SIKE1: variants seen among roughly 807,000 people sequenced by gnomAD.
SIKE1 encodes the protein suppressor of IKBKE 1.
A neutral mutation model predicts 25.8 loss-of-function variants in SIKE1; 13 were observed. That is an observed-to-expected ratio of 0.50 (90% CI 0.33 to 0.80). The LOEUF is 0.80. Ranked by LOEUF, SIKE1 falls within the 30% of genes least tolerant of loss-of-function variation. The probability of loss-of-function intolerance (pLI) is 0.02; values close to 1 mark genes in which losing one functional copy is unlikely to be tolerated. For synonymous variants in SIKE1, 86 were observed against 95.5 expected, an observed-to-expected ratio of 0.90 and a Z score of 0.58; for missense variants, 222 against 252.4, an observed-to-expected ratio of 0.88 and a Z score of 0.82.
chr1:114,780,598 T>C lies in SIKE1; in HGVS notation c.10A>G (p.Thr4Ala), dbSNP rs150712455. The C allele has an allele frequency of 3.7e-5, 60 of 1,609,670 alleles. No individual in the cohort carries two copies. Among genetic ancestry groups the C allele is most frequent in the Non-Finnish European group, 4.8e-5 (57 of 1,179,358 alleles). ...GCGTCTGTCAGGATCTTCTCGATGG[T>C]GCAGCTCATAGCAGCAGCACCACCC... The part of the protein sequence containing the change: MSC[T>A]IEKILTDAKT... The change falls in exon 1 of 5, where the codon ACC becomes GCC. Residue 4 changes from threonine to alanine, a missense_variant. Physicochemically the swap from Thr to Ala is moderately conservative, Grantham distance 58 (BLOSUM62 0). Transcript: ENST00000060969.
chr1:114,769,798 A>C lies in SIKE1; in HGVS notation c.*4473T>G, dbSNP rs1049895418. ...TCGGCAAAGATAGGAGAAGAGCTCA[A>C]ATAGATAAAATACAAGCACTCATAA... is the stretch of plus-strand genomic sequence containing the variant. On this transcript the variant is annotated 3_prime_UTR_variant, in exon 5 of 5. Coordinates refer to ENST00000060969, the MANE Select transcript of SIKE1 (RefSeq NM_025073.3). 13 of 152,204 alleles carry C rather than the reference A, an allele frequency of 8.5e-5. No individual in the cohort carries two copies. Among genetic ancestry groups the C allele is most frequent in the Non-Finnish European group, 1.3e-4 (9 of 68,032 alleles). 9.4% of individuals were successfully genotyped at this position (152,204 alleles called of 1,614,324 possible). A position where few individuals can be genotyped will look rare whatever the true frequency, so the allele number is the denominator to read the frequency against.
chr1:114,774,100 A>G lies in SIKE1; in HGVS notation c.*171T>C, dbSNP rs1044936290. On this transcript the variant is annotated 3_prime_UTR_variant, in exon 5 of 5. Transcript: ENST00000060969. ...CAGCATGTAGTATTCACATTAACAC[A>G]TCTGAGAACTGTGGACAGCCAATAT... The G allele has an allele frequency of 3.5e-5, 16 of 461,818 alleles. No individual in the cohort carries two copies. The highest frequency in any genetic ancestry group is 2.9e-4 in the African/African-American group (15 of 51,362). 28.6% of individuals were successfully genotyped at this position (461,818 alleles called of 1,614,324 possible).
chr1:114,775,097 T>G, intron 4 of SIKE1, among the ~76,000 whole-genome samples: 1 of 152,322 alleles, frequency 6.6e-6, no homozygotes, highest in East Asian at 1.9e-4. Context: ...CGGGGATAAA[T>G]AGAAGGTCAT....
Position 114,779,222 on chromosome 1 carries a change from T to A in SIKE1, c.328A>T (p.Lys110Ter). Reference protein sequence around the residue: ...ALELIMSKYRKQMLQLMVAKK... With the variant: ...ALELIMSKYR The stretch of plus-strand genomic sequence containing the variant: ...GCAACCATTAACTGTAACATCTGTT[T>A]CCGATATTTGCTCATGATAAGTTCC... The change falls in exon 3 of 5, where the codon AAA becomes TAA. Residue 110 changes from lysine to a stop codon, truncating the protein, a stop_gained. Coordinates refer to ENST00000060969, the MANE Select transcript of SIKE1 (RefSeq NM_025073.3). LOFTEE classifies it high-confidence loss of function. 2 of 1,614,244 alleles carry A rather than the reference T, an allele frequency of 1.2e-6. No homozygotes were observed. Among genetic ancestry groups the A allele is most frequent in the Non-Finnish European group, 1.7e-6 (2 of 1,180,040 alleles).
rs1252019711 is a variant in SIKE1, at chr1:114,771,014, T to TA, written c.*3256dup. 1 of 152,244 alleles carries TA rather than the reference T, an allele frequency of 6.6e-6. No individual in the cohort carries two copies. The highest frequency in any genetic ancestry group is 1.5e-5 in the Non-Finnish European group (1 of 68,046). The allele number at this position is 152,244 out of a possible 1,614,324, so 9.4% of individuals were successfully genotyped here. A position where few individuals can be genotyped will look rare whatever the true frequency, so the allele number is the denominator to read the frequency against. On this transcript the variant is annotated 3_prime_UTR_variant, in exon 5 of 5. Coordinates refer to ENST00000060969, the MANE Select transcript of SIKE1 (RefSeq NM_025073.3). The stretch of plus-strand genomic sequence containing the variant: ...CTTTGCTTTCCCTCATAAAAGGCGA[T>TA]ATATATAGCTGGCACAGGCCATTTC...
chr1:114,771,138 T>G lies in SIKE1; in HGVS notation c.*3133A>C, dbSNP rs1306178816. The G allele has an allele frequency of 6.6e-6, 1 of 152,244 alleles. No homozygotes were observed. Among genetic ancestry groups the G allele is most frequent in the Non-Finnish European group, 1.5e-5 (1 of 68,048 alleles). 9.4% of individuals were successfully genotyped at this position (152,244 alleles called of 1,614,324 possible). A position where few individuals can be genotyped will look rare whatever the true frequency, so the allele number is the denominator to read the frequency against. ...ACAGCATGAGGGATGTAAGCCAATA[T>G]GGTAAGGAGGCAGATTTGAAAGACA... On this transcript the variant is annotated 3_prime_UTR_variant, in exon 5 of 5. Transcript: ENST00000060969.
At chr1:114,778,742 A>G (rs542359330) in intron 3 of SIKE1, among the ~76,000 whole-genome samples, 25 of 152,312 alleles carry the variant, frequency 1.6e-4, no homozygotes, top group African/African-American at 5.8e-4. Context: ...ACAAGCACAC[A>G]TGGCCAGGCG....
intron 4 of SIKE1, among the ~76,000 whole-genome samples, 178 bp downstream of exon 4, chr1:114,776,168 T>C (rs1455053510): frequency 6.6e-6 from 1 of 151,984 alleles, no homozygotes; most frequent in African/African-American, 2.4e-5. Flanking sequence ...CATTGATTGC[T>C]GTTTACTATA....
rs1158437477 is a variant in SIKE1 at position 114,780,531 on chromosome 1, G to C, written c.77C>G (p.Ala26Gly). ...CGCCGACTGATCCACCAGCGACTCG[G>C]CGGCCGCATCGTGCTCCCGTAGCCT... ...LERLREHDAA[A>G]ESLVDQSAAL... The change falls in exon 1 of 5, where the codon GCC (alanine) becomes GGC (glycine). Residue 26 changes from alanine (A) to glycine (G), a missense_variant. Transcript: ENST00000060969. The C allele has an allele frequency of 6.2e-7, 1 of 1,613,426 alleles. No individual in the cohort carries two copies. The highest frequency in any genetic ancestry group is 8.5e-7 in the Non-Finnish European group (1 of 1,179,996).
intron 4 of SIKE1, among the ~76,000 whole-genome samples, chr1:114,776,078 A>G (rs977409370): frequency 2.6e-5 from 4 of 152,160 alleles, no homozygotes; most frequent in African/African-American, 9.7e-5. Flanking sequence ...TTTATCTCAC[A>G]TATAACTTCT....
In SIKE1 at chr1:114,769,698, A is replaced by C. The variant is rs2101121314; in HGVS notation, c.*4573T>G. On this transcript the variant is annotated 3_prime_UTR_variant, in exon 5 of 5. Coordinates refer to ENST00000060969, the MANE Select transcript of SIKE1 (RefSeq NM_025073.3). ...CAAAAAGAAAGAAAACTATAAAATA[A>C]GTCACTTTAGGGATACATATGTATT... 6.6e-6 allele frequency: 1 copy of C among 152,300 alleles called. No individual in the cohort carries two copies. The highest frequency in any genetic ancestry group is 1.5e-5 in the Non-Finnish European group (1 of 68,022). The allele number at this position is 152,300 out of a possible 1,614,324, so 9.4% of individuals were successfully genotyped here.
intron 3 of SIKE1, 79 bp from the exon 4 acceptor site, chr1:114,776,538 C>T (rs1205383414): frequency 5.4e-6 from 5 of 927,024 alleles, no homozygotes; most frequent in East Asian, 2.6e-5. Context: ...ATGTGCATTA[C>T]GATTTTTAAA....
chr1:114,776,648 A>ATT (rs34656268), intron 3 of SIKE1, among the ~76,000 whole-genome samples, 189 bp from the exon 4 acceptor site: 9,239 of 143,194 alleles, frequency 0.065, 554 homozygotes, highest in African/African-American at 0.17. Flanking sequence ...ATTCACGGAT[A>ATT]TTTTTTTTTT....
In SIKE1 at chr1:114,772,917, T is replaced by C. The variant is rs1381363235; in HGVS notation, c.*1354A>G. 2.0e-5 allele frequency: 3 copies of C among 152,234 alleles called. No homozygotes were observed. Among genetic ancestry groups the C allele is most frequent in the African/African-American group, 7.2e-5 (3 of 41,462 alleles). 9.4% of individuals were successfully genotyped at this position (152,234 alleles called of 1,614,324 possible). A position where few individuals can be genotyped will look rare whatever the true frequency, so the allele number is the denominator to read the frequency against. On this transcript the variant is annotated 3_prime_UTR_variant, in exon 5 of 5. Transcript: ENST00000060969. Reference sequence around the variant, plus strand: ...GGATCAGATGCTTTTAGGACATCTTTAAAATATTTTGTTATTTTAACTGTA... The same window carrying C: ...GGATCAGATGCTTTTAGGACATCTTCAAAATATTTTGTTATTTTAACTGTA...
Position 114,769,932 on chromosome 1 carries a change from T to C in SIKE1, c.*4339A>G, listed in dbSNP as rs1662020569. On this transcript the variant is annotated 3_prime_UTR_variant, in exon 5 of 5. Coordinates refer to ENST00000060969, the MANE Select transcript of SIKE1 (RefSeq NM_025073.3). ...TTACATTTAAATATAAGTCCCAAAT[T>C]ATGTATAAAGTGTTGATAAAATTTA... 3 of 152,214 alleles carry C rather than the reference T, an allele frequency of 2.0e-5. No homozygotes were observed. The South Asian group carries it at 6.2e-4, about 31-fold the overall frequency. The allele number at this position is 152,214 out of a possible 1,614,324, so 9.4% of individuals were successfully genotyped here.
chr1:114,776,705 A>T (rs1404389843), intron 3 of SIKE1, among the ~76,000 whole-genome samples: 1 of 151,908 alleles, frequency 6.6e-6, no homozygotes, highest in Non-Finnish European at 1.5e-5. Flanking sequence ...TGATTCCTCA[A>T]GGATCTAGAA....
intron 3 of SIKE1, among the ~76,000 whole-genome samples, chr1:114,776,698 T>A (rs1414307440): frequency 2.0e-5 from 3 of 151,968 alleles, no homozygotes; most frequent in Non-Finnish European, 2.9e-5. Flanking sequence ...AGTGTGGTGA[T>A]TCCTCAAGGA....
Position 114,773,557 on chromosome 1 carries a change from CAT to C in SIKE1, c.*712_*713del, listed in dbSNP as rs989657822. ...ACTTTTAGTATTTGAACTAAGTGCA[CAT>C]GTGTGCATTCACATACACAGGACAA... On this transcript the variant is annotated 3_prime_UTR_variant, in exon 5 of 5. Coordinates refer to ENST00000060969, the MANE Select transcript of SIKE1 (RefSeq NM_025073.3). 2 of 152,456 alleles carry C rather than the reference CAT, an allele frequency of 1.3e-5. No individual in the cohort carries two copies. The highest frequency in any genetic ancestry group is 6.5e-5 in the Admixed American group (1 of 15,274). The allele number at this position is 152,456 out of a possible 1,614,324, so 9.4% of individuals were successfully genotyped here. A position where few individuals can be genotyped will look rare whatever the true frequency, so the allele number is the denominator to read the frequency against.
At position 114,780,117 on chromosome 1, in the gene SIKE1, T is replaced by C; in HGVS notation, c.258A>G (p.Glu86=). ...ENTQIRDLQQ[E]NRELWISLEE... ...TGAAAAGGCCTGACTAACCTCTGTTTTCCTGTTGCAAGTCTCTAATCTGTG... is the reference window on the plus strand; with the variant it reads ...TGAAAAGGCCTGACTAACCTCTGTTCTCCTGTTGCAAGTCTCTAATCTGTG... Residue 86 remains glutamate (E), a synonymous_variant, in exon 2 of 5, where the codon GAA becomes GAG. Transcript: ENST00000060969. 1.9e-6 allele frequency: 3 copies of C among 1,611,346 alleles called. No individual in the cohort carries two copies. Among genetic ancestry groups the C allele is most frequent in the Non-Finnish European group, 2.5e-6 (3 of 1,178,686 alleles).
Sources: gnomAD v4.1 joint callset for allele counts (sites outside exome capture counted in the v4.1 genomes callset) on GRCh38, gnomAD v4.1.1 for gene constraint, MANE v1.5 for transcripts, NCBI Gene and HGNC (gene_info 2026-07-23, HGNC 2026-07-21) for gene names.